ERC2: variants seen among roughly 807,000 people sequenced by gnomAD.
The protein encoded by ERC2 is ERC protein 2.
ERC2 carries 42 observed loss-of-function variants against 114.8 expected under a neutral mutation model. The ratio of observed to expected loss-of-function variants is 0.37; its 90% CI spans 0.29 to 0.47. The LOEUF is 0.47. Ranked by LOEUF, ERC2 falls within the 20% of genes least tolerant of loss-of-function variation. The probability of loss-of-function intolerance (pLI) is 0.99; values close to 1 mark genes in which losing one functional copy is unlikely to be tolerated. For synonymous variants in ERC2, 454 were observed against 425.5 expected, an observed-to-expected ratio of 1.07 and a Z score of -0.82; for missense variants, 939 against 1,150.7, an observed-to-expected ratio of 0.82 and a Z score of 2.66.
intron 3 of ERC2, among the ~76,000 whole-genome samples, chr3:56,223,518 C>G (rs762674142): frequency 1.6e-5 from 2 of 123,008 alleles, no homozygotes; most frequent in Non-Finnish European, 3.3e-5. Flanking sequence ...AGAAAAATGG[C>G]AAAAAAAAAA....
intron 17 of ERC2, among the ~76,000 whole-genome samples, chr3:55,646,845 G>A (rs537247606): frequency 2.0e-5 from 3 of 152,256 alleles, no homozygotes; most frequent in African/African-American, 7.2e-5. Flanking sequence ...GCACAGAGAG[G>A]CCAGTTATAT....
chr3:56,155,241 A>G (rs2081636034), intron 4 of ERC2, among the ~76,000 whole-genome samples: 1 of 152,150 alleles, frequency 6.6e-6, no homozygotes, highest in African/African-American at 2.4e-5. Flanking sequence ...GGTCTTCTGA[A>G]CACAATGATT....
intron 17 of ERC2, among the ~76,000 whole-genome samples, chr3:55,672,459 C>T (rs2061602825): frequency 3.3e-5 from 5 of 151,988 alleles, no homozygotes; most frequent in East Asian, 1.9e-4. Flanking sequence ...TTGAAGTTCA[C>T]GTACTAGTTC....
At chr3:55,927,323 T>A (rs1383139268) in intron 13 of ERC2, among the ~76,000 whole-genome samples, 1 of 152,174 alleles carries the variant, frequency 6.6e-6, no homozygotes, top group Non-Finnish European at 1.5e-5. Flanking sequence ...CTTCTCAAAA[T>A]TAAGCCTTGT....
intron 14 of ERC2, among the ~76,000 whole-genome samples, chr3:55,857,189 TAAAAA>T (rs139290540): frequency 6.6e-6 from 1 of 152,112 alleles, no homozygotes; most frequent in Non-Finnish European, 1.5e-5. Flanking sequence ...TTATAAATGT[TAAAAA>T]AGAAAAATAA....
chr3:55,801,028 A>G (rs1329320941), intron 14 of ERC2, among the ~76,000 whole-genome samples: 1 of 152,186 alleles, frequency 6.6e-6, no homozygotes, highest in Non-Finnish European at 1.5e-5. Context: ...CTGCTGCTGT[A>G]GCACTAGGTT....
At chr3:56,390,883 C>T (rs934221369) in intron 2 of ERC2, among the ~76,000 whole-genome samples, 2 of 152,108 alleles carry the variant, frequency 1.3e-5, no homozygotes, top group African/African-American at 4.8e-5. Flanking sequence ...AGAGACCATC[C>T]ACTTAAGGGT....
intron 14 of ERC2, among the ~76,000 whole-genome samples, chr3:55,837,934 C>A (rs1292941539): frequency 6.6e-6 from 1 of 150,658 alleles, no homozygotes; most frequent in African/African-American, 2.5e-5. Flanking sequence ...TAATATCAGA[C>A]AAAGTCAATT....
rs191980083 is a variant in ERC2 at position 55,574,687 on chromosome 3, G to C, written c.*40-63411C>G. Among the ~76,000 whole-genome samples the C allele has an allele frequency of 1.1e-3, 172 of 152,280 alleles. 1 individual carries two copies. The highest frequency in any genetic ancestry group is 6.8e-3 in the Middle Eastern group (2 of 294). On this transcript the variant is annotated intron_variant, in intron 17 of 17. Coordinates refer to ENST00000288221, the MANE Select transcript of ERC2 (RefSeq NM_015576.3). ...TGAGGATTTAAGAAGTTTGCAGGGT[G>C]ATGCTCCTAAGAGGGCTCAAGTGAT...
At chr3:55,518,402 A>T (rs2052678840) in intron 17 of ERC2, among the ~76,000 whole-genome samples, 1 of 152,236 alleles carries the variant, frequency 6.6e-6, no homozygotes, top group Non-Finnish European at 1.5e-5. Context: ...GGTAGGTACA[A>T]CCTCAGTAAT....
intron 6 of ERC2, among the ~76,000 whole-genome samples, chr3:56,087,815 T>A (rs2149777579): frequency 6.6e-6 from 1 of 152,282 alleles, no homozygotes; most frequent in African/African-American, 2.4e-5. Flanking sequence ...TAGACTTGAG[T>A]TAAGGGTATA....
At chr3:56,346,889 A>C (rs1176686362) in intron 2 of ERC2, among the ~76,000 whole-genome samples, 1 of 152,188 alleles carries the variant, frequency 6.6e-6, no homozygotes. Context: ...CACGAGATGG[A>C]GTTCACAGCC....
At chr3:56,344,633 C>T (rs929257647) in intron 2 of ERC2, among the ~76,000 whole-genome samples, 3 of 152,138 alleles carry the variant, frequency 2.0e-5, no homozygotes, top group Admixed American at 6.6e-5. Flanking sequence ...GCTTCTTTTC[C>T]GTTAGCAAGC....
At chr3:56,338,416 C>T (rs1379862730) in intron 2 of ERC2, among the ~76,000 whole-genome samples, 2 of 152,148 alleles carry the variant, frequency 1.3e-5, no homozygotes, top group South Asian at 2.1e-4. Context: ...CTTTCTGTAC[C>T]GCCTGTCTAC....
rs1383013625 is a variant in ERC2, at chr3:55,626,502, A to C, written c.*39+57292T>G. ...AATTATCATTTTTTCCATTCTTTAC[A>C]CATGCAACTCATTAGCATTACAGCA... On this transcript the variant is annotated intron_variant, in intron 17 of 17. Coordinates refer to ENST00000288221, the MANE Select transcript of ERC2 (RefSeq NM_015576.3). Among the ~76,000 whole-genome samples, 4 of 152,318 alleles carry C rather than the reference A, an allele frequency of 2.6e-5. No individual in the cohort carries two copies. The East Asian group carries it at 7.7e-4, about 29-fold the overall frequency.
intron 3 of ERC2, among the ~76,000 whole-genome samples, chr3:56,197,774 T>G (rs1310216695): frequency 6.6e-6 from 1 of 152,204 alleles, no homozygotes; most frequent in African/African-American, 2.4e-5. Context: ...TCAACAAGTG[T>G]TTGCTGTTGT....
chr3:55,723,507 A>G (rs2064713394), intron 15 of ERC2, among the ~76,000 whole-genome samples: 1 of 152,192 alleles, frequency 6.6e-6, no homozygotes, highest in Non-Finnish European at 1.5e-5. Flanking sequence ...ACAATAAACA[A>G]GGGAGATTCT....
intron 2 of ERC2, among the ~76,000 whole-genome samples, chr3:56,303,036 GTT>G (rs1211963685): frequency 6.6e-6 from 1 of 152,182 alleles, no homozygotes; most frequent in Non-Finnish European, 1.5e-5. Flanking sequence ...GCTCAGAAAG[GTT>G]TTTACTCGCC....
At chr3:55,665,699 T>C (rs1336483647) in intron 17 of ERC2, among the ~76,000 whole-genome samples, 1 of 152,174 alleles carries the variant, frequency 6.6e-6, no homozygotes, top group Non-Finnish European at 1.5e-5. Context: ...GAACAAAGCC[T>C]GCAGAACCTT....
Sources: gnomAD v4.1 joint callset for allele counts (sites outside exome capture counted in the v4.1 genomes callset) on GRCh38, gnomAD v4.1.1 for gene constraint, MANE v1.5 for transcripts, NCBI Gene and HGNC (gene_info 2026-07-23, HGNC 2026-07-21) for gene names.